Variants in CCNB2 observed in about 807,000 individuals in gnomAD.
CCNB2 encodes cyclin B2.
A neutral mutation model predicts 51.1 loss-of-function variants in CCNB2; 39 were observed. That is an observed-to-expected ratio of 0.76 (90% confidence interval 0.59 to 1.00). The LOEUF (loss-of-function observed/expected upper bound fraction) is 1.00, where lower values mean the gene tolerates loss of function less well. Among genes scored for constraint, CCNB2 ranks in the 50% least tolerant of loss-of-function variants. The pLI, the probability that CCNB2 is intolerant of heterozygous loss-of-function variation, is 0.00. For missense variants in CCNB2, 472 were observed against 470.3 expected, an observed-to-expected ratio of 1.00 and a Z score of -0.03; for synonymous variants, 174 against 165.5, an observed-to-expected ratio of 1.05 and a Z score of -0.40.
At chr15:59,123,796 G>C in intron 8 of CCNB2, 169 bp downstream of exon 8, 1 of 573,716 alleles carries the variant, frequency 1.7e-6, no homozygotes, top group Non-Finnish European at 3.1e-6. Context: ...GTATGGTATG[G>C]AGCATACTGA....
intron 1 of CCNB2, among the ~76,000 whole-genome samples, chr15:59,105,510 C>T (rs556118778): frequency 6.6e-6 from 1 of 152,254 alleles, no homozygotes; most frequent in African/African-American, 2.4e-5. Context: ...CCTCCCTGCC[C>T]CGGGGTGGGA....
chr15:59,110,891 A>G (rs1374123282), intron 3 of CCNB2, among the ~76,000 whole-genome samples: 1 of 152,210 alleles, frequency 6.6e-6, no homozygotes, highest in African/African-American at 2.4e-5. Context: ...AAGGCTTTCT[A>G]CTAGTCCCAT....
chr15:59,109,044 C>T (rs1231777587), intron 3 of CCNB2, among the ~76,000 whole-genome samples: 1 of 152,108 alleles, frequency 6.6e-6, no homozygotes, highest in Non-Finnish European at 1.5e-5. Flanking sequence ...GGCGATTTGG[C>T]AGTATATGTA....
At chr15:59,109,155 A>G (rs1213973913) in intron 3 of CCNB2, among the ~76,000 whole-genome samples, 1 of 152,040 alleles carries the variant, frequency 6.6e-6, no homozygotes, top group African/African-American at 2.4e-5. Context: ...GGTTCAAGCG[A>G]TTCTCCTGTC....
At position 59,105,168 on chromosome 15, in the gene CCNB2, T is replaced by C. The variant is rs1396528723; in HGVS notation, c.-101T>C. The C allele has an allele frequency of 1.8e-6, 2 of 1,110,866 alleles. No individual in the cohort carries two copies. Among genetic ancestry groups the C allele is most frequent in the Non-Finnish European group, 2.6e-6 (2 of 771,834 alleles). 68.8% of individuals were successfully genotyped at this position (1,110,866 alleles called of 1,614,324 possible). A position where few individuals can be genotyped will look rare whatever the true frequency, so the allele number is the denominator to read the frequency against. ...GTCGAAGATCCCCAGCGCTGCGGGC[T>C]CGGAGAGCAGTCCTAACGGCGCCTC... On this transcript the variant is annotated 5_prime_UTR_variant, in exon 1 of 9. Coordinates refer to ENST00000288207, the MANE Select transcript of CCNB2 (RefSeq NM_004701.4).
intron 6 of CCNB2, 129 bp downstream of exon 6, chr15:59,117,055 G>T (rs564047294): frequency 6.3e-5 from 61 of 972,988 alleles, no homozygotes; most frequent in African/African-American, 5.0e-4. Flanking sequence ...TTCCTCATCA[G>T]TTCTTAAGAG....
chr15:59,107,534 T>C (rs757823735), intron 2 of CCNB2, 23 bp from the exon 3 acceptor site: 1 of 1,613,958 alleles, frequency 6.2e-7, no homozygotes, highest in Non-Finnish European at 8.5e-7. Context: ...TCTTGCGCTA[T>C]TCATGTTTCT....
Position 59,107,460 on chromosome 15 carries a change from A to T in CCNB2, c.153+10A>T. 1 of 1,614,144 alleles carries T rather than the reference A, an allele frequency of 6.2e-7. No individual in the cohort carries two copies. Among genetic ancestry groups the T allele is most frequent in the Non-Finnish European group, 8.5e-7 (1 of 1,180,016 alleles). On this transcript the variant is annotated intron_variant, in intron 2 of 8. Coordinates refer to ENST00000288207, the MANE Select transcript of CCNB2 (RefSeq NM_004701.4). ...AGCACAAGTAGCTAAGGTAACAATG[A>T]TGAAGACTGAATGTGAATACAGAGG...
At chr15:59,119,390 G>A (rs1465493988) in intron 7 of CCNB2, among the ~76,000 whole-genome samples, 3 of 145,912 alleles carry the variant, frequency 2.1e-5, no homozygotes, top group Non-Finnish European at 4.5e-5. Context: ...GAGCCCAGGA[G>A]TTCAAGGCTG....
rs767211640 is a variant in CCNB2, at chr15:59,114,728, C to G, written c.449C>G (p.Ser150Cys). The G allele has an allele frequency of 3.7e-6, 6 of 1,611,276 alleles. No homozygotes were observed. The highest frequency in any genetic ancestry group is 5.1e-6 in the Non-Finnish European group (6 of 1,177,916). Residue 150 changes from serine (S) to cysteine (C), a missense_variant, in exon 5 of 9, where the codon TCC becomes TGC. By Grantham distance (112) the Ser-to-Cys change is moderately radical. Transcript: ENST00000288207. ...TGATTCTACCCACAGGTTTTGCAGT[C>G]CATAAACCCACATTTCTTAGATGGA... is the stretch of plus-strand genomic sequence containing the variant. ...QYLRQLEVLQ[S>C]INPHFLDGRD...
At chr15:59,117,019 G>T (rs553648682) in intron 6 of CCNB2, 93 bp downstream of exon 6, 1 of 1,119,622 alleles carries the variant, frequency 8.9e-7, no homozygotes, top group East Asian at 2.4e-5. Flanking sequence ...TTTATAGGAC[G>T]CTTCCTTTAG....
At chr15:59,118,303 A>C (rs2079287427) in intron 7 of CCNB2, among the ~76,000 whole-genome samples, 1 of 152,224 alleles carries the variant, frequency 6.6e-6, no homozygotes. Context: ...GTTGTGGAGA[A>C]GCCAGTTCTA....
chr15:59,110,463 C>G (rs1190921865), intron 3 of CCNB2, among the ~76,000 whole-genome samples: 3 of 152,228 alleles, frequency 2.0e-5, no homozygotes, highest in Non-Finnish European at 2.9e-5. Flanking sequence ...AGGTGAGTCT[C>G]TCTGCCTGCC....
intron 3 of CCNB2, among the ~76,000 whole-genome samples, chr15:59,110,963 A>T (rs1367870987): frequency 6.6e-6 from 1 of 152,210 alleles, no homozygotes; most frequent in Non-Finnish European, 1.5e-5. Context: ...AGGAGCTCCC[A>T]GTCAAGTTGG....
intron 1 of CCNB2, among the ~76,000 whole-genome samples, chr15:59,106,552 C>CT (rs1158834353): frequency 6.6e-6 from 1 of 152,208 alleles, no homozygotes; most frequent in East Asian, 1.9e-4. Context: ...CTATAATAAA[C>CT]TTTTTTTGGT....
chr15:59,108,370 G>A (rs1272376945), intron 3 of CCNB2, among the ~76,000 whole-genome samples: 3 of 152,164 alleles, frequency 2.0e-5, no homozygotes, highest in Admixed American at 6.5e-5. Context: ...GAGGAGTACC[G>A]AAATGATGAA....
intron 3 of CCNB2, among the ~76,000 whole-genome samples, chr15:59,111,261 T>C (rs2140286640): frequency 6.6e-6 from 1 of 152,338 alleles, no homozygotes; most frequent in South Asian, 2.1e-4. Flanking sequence ...CTCAAACTCC[T>C]GGGCACAAGC....
At chr15:59,115,079 G>A (rs972830800) in intron 5 of CCNB2, among the ~76,000 whole-genome samples, 1 of 152,172 alleles carries the variant, frequency 6.6e-6, no homozygotes. Flanking sequence ...GGGCATTTCT[G>A]TAAGGCCAGC....
intron 3 of CCNB2, 58 bp downstream of exon 3, chr15:59,107,728 T>G (rs1051783555): frequency 7.7e-7 from 1 of 1,306,360 alleles, no homozygotes; most frequent in African/African-American, 1.5e-5. Flanking sequence ...TTAGCCAGAC[T>G]ACAAGGGTGC....
Sources: gnomAD v4.1 joint callset for allele counts (sites outside exome capture counted in the v4.1 genomes callset) on GRCh38, gnomAD v4.1.1 for gene constraint, MANE v1.5 for transcripts, NCBI Gene and HGNC (gene_info 2026-07-23, HGNC 2026-07-21) for gene names.